The following RFX4 variants were observed in gnomAD, a reference collection of about 807,000 sequenced individuals.
RFX4 encodes transcription factor RFX4.
A neutral mutation model predicts 95.0 loss-of-function variants in RFX4; 10 were observed. The observed-to-expected ratio is 0.11, with a 90% CI of 0.06 to 0.18. The LOEUF is 0.18. RFX4 is among the 10% of genes least tolerant of loss of function. The pLI, the probability that RFX4 is intolerant of heterozygous loss-of-function variation, is 1.00. For missense variants in RFX4, 640 were observed against 922.0 expected (o/e 0.69, Z 3.96); for synonymous variants, 321 against 340.7 (o/e 0.94, Z 0.64).
chr12:106,718,175 C>T (rs12816205), intron 11 of RFX4, among the ~76,000 whole-genome samples: 22,525 of 152,230 alleles, frequency 0.15, 1,863 homozygotes, highest in East Asian at 0.27. Flanking sequence ...GACCTTGGTT[C>T]AAACCTTGCT....
chr12:106,693,858 C>T (rs2041830241), intron 7 of RFX4, among the ~76,000 whole-genome samples: 1 of 152,178 alleles, frequency 6.6e-6, no homozygotes, highest in African/African-American at 2.4e-5. Context: ...GTAGTGCCTC[C>T]ATGATATAAT....
At chr12:106,643,281 C>G (rs944627987) in intron 3 of RFX4, among the ~76,000 whole-genome samples, 1 of 152,158 alleles carries the variant, frequency 6.6e-6, no homozygotes, top group South Asian at 2.1e-4. Context: ...CACTCCTTCC[C>G]GGGATGGGAG....
At chr12:106,632,437 G>T (rs2040433879) in intron 2 of RFX4, among the ~76,000 whole-genome samples, 1 of 152,170 alleles carries the variant, frequency 6.6e-6, no homozygotes, top group Non-Finnish European at 1.5e-5. Context: ...ATGTCTCCCA[G>T]TGAAAACGAA....
chr12:106,741,271 G>T (rs1194850072), intron 15 of RFX4, among the ~76,000 whole-genome samples: 2 of 151,954 alleles, frequency 1.3e-5, no homozygotes, highest in African/African-American at 2.4e-5. Flanking sequence ...GACAGAGTGA[G>T]ACTCTGTCTC....
chr12:106,754,336 C>T (rs917304948), intron 17 of RFX4, among the ~76,000 whole-genome samples: 32 of 152,332 alleles, frequency 2.1e-4, no homozygotes, highest in African/African-American at 7.2e-4. Flanking sequence ...CAGCCTAGAT[C>T]ACTCCGCACA....
chr12:106,674,438 C>CCTG, intron 4 of RFX4, among the ~76,000 whole-genome samples: 1 of 151,770 alleles, frequency 6.6e-6, no homozygotes, highest in East Asian at 2.0e-4. Context: ...TCAAGCAATT[C>CCTG]TCCTGCCTCA....
rs186107040 is a variant in RFX4 at position 106,744,794 on chromosome 12, C to T, written c.1634-2643C>T. ...ACCACCCACTCACTCTGGGACCTTG[C>T]GCAAGTTATTTAACATTCTAAGTTT... On this transcript the variant is annotated intron_variant, in intron 15 of 17. Coordinates refer to ENST00000392842, the MANE Select transcript of RFX4 (RefSeq NM_213594.3). 5.6e-4 allele frequency among the ~76,000 whole-genome samples: 85 copies of T among 152,220 alleles called. 1 individual carries two copies. Among genetic ancestry groups the T allele is most frequent in the African/African-American group, 1.9e-3 (80 of 41,538 alleles).
At chr12:106,645,200 A>C (rs1254128189) in intron 3 of RFX4, among the ~76,000 whole-genome samples, 1 of 152,250 alleles carries the variant, frequency 6.6e-6, no homozygotes, top group Non-Finnish European at 1.5e-5. Flanking sequence ...ATCCTCGGTC[A>C]CGAGGGTTAG....
chr12:106,716,578 C>T lies in RFX4; in HGVS notation c.1138+1034C>T, dbSNP rs566436424. ...CCTTTTCAAAAGCAAATGTAACAGC[C>T]GAAATGTTTGAACATGTGGACCTTC... On this transcript the variant is annotated intron_variant, in intron 11 of 17. Transcript: ENST00000392842. Among the ~76,000 whole-genome samples the T allele has an allele frequency of 9.2e-5, 14 of 152,182 alleles. 1 individual carries two copies. The East Asian group carries it at 2.3e-3, about 25-fold the overall frequency.
At chr12:106,694,497 G>A (rs2041842300) in intron 7 of RFX4, among the ~76,000 whole-genome samples, 1 of 152,204 alleles carries the variant, frequency 6.6e-6, no homozygotes, top group Non-Finnish European at 1.5e-5. Flanking sequence ...CAGCAGTCTA[G>A]GGAGAGACAT....
chr12:106,704,843 G>A lies in RFX4; in HGVS notation c.834-4487G>A, dbSNP rs111818833. Among the ~76,000 whole-genome samples, 822 of 151,826 alleles carry A rather than the reference G, an allele frequency of 5.4e-3. 9 individuals carry two copies. The highest frequency in any genetic ancestry group is 0.018 in the African/African-American group (750 of 41,252). ...TGTGTGTGTGCATGTGTGTGTGTGC[G>A]CGTGTGTGTGTCGTATGGGCAGGGA... On this transcript the variant is annotated intron_variant, in intron 8 of 17. Transcript: ENST00000392842.
intron 5 of RFX4, chr12:106,684,663 A>C: frequency 6.9e-7 from 1 of 1,442,476 alleles, no homozygotes; most frequent in Non-Finnish European, 9.1e-7. Context: ...ATCCCACCTG[A>C]AGCCACCGGA....
Position 106,614,287 on chromosome 12 carries a change from A to G in RFX4, c.130+5404A>G, listed in dbSNP as rs2040022325. Among the ~76,000 whole-genome samples, 5 of 151,996 alleles carry G rather than the reference A, an allele frequency of 3.3e-5. No individual in the cohort carries two copies. In the South Asian group the frequency reaches 1.0e-3, roughly 32 times the overall value. On this transcript the variant is annotated intron_variant, in intron 2 of 17. Coordinates refer to ENST00000392842, the MANE Select transcript of RFX4 (RefSeq NM_213594.3). ...GTGATTCTTCTGCCTCAGCCTCCCA[A>G]GTAGCTGGGACTACAGGCACATGCC...
At chr12:106,659,047 C>G (rs2041019477) in intron 4 of RFX4, among the ~76,000 whole-genome samples, 1 of 152,214 alleles carries the variant, frequency 6.6e-6, no homozygotes, top group Non-Finnish European at 1.5e-5. Context: ...TGGCCCACTT[C>G]CTTCCCTGAC....
rs2043214180 is a variant in RFX4 at position 106,761,992 on chromosome 12, C to T, written c.*523C>T. On this transcript the variant is annotated 3_prime_UTR_variant, in exon 18 of 18. Coordinates refer to ENST00000392842, the MANE Select transcript of RFX4 (RefSeq NM_213594.3). The stretch of plus-strand genomic sequence containing the variant: ...TGCACATCCCTTCTTCCTGGTGGTA[C>T]CATCCCTATTTCCTGGAGCACCAGG... 1 of 152,692 alleles carries T rather than the reference C, an allele frequency of 6.5e-6. No homozygotes were observed. Among genetic ancestry groups the T allele is most frequent in the Admixed American group, 6.5e-5 (1 of 15,278 alleles). 9.5% of individuals were successfully genotyped at this position (152,692 alleles called of 1,614,324 possible). A position where few individuals can be genotyped will look rare whatever the true frequency, so the allele number is the denominator to read the frequency against.
intron 1 of RFX4, among the ~76,000 whole-genome samples, chr12:106,602,295 T>A (rs1417172514): frequency 6.6e-6 from 1 of 152,212 alleles, no homozygotes; most frequent in Non-Finnish European, 1.5e-5. Context: ...TCTGTCCCTG[T>A]CACTCAGCCG....
intron 4 of RFX4, among the ~76,000 whole-genome samples, chr12:106,654,857 T>C (rs1024420001): frequency 2.0e-5 from 3 of 152,184 alleles, no homozygotes; most frequent in Non-Finnish European, 2.9e-5. Flanking sequence ...CAAAAAATTG[T>C]TAGCAGTGAT....
intron 7 of RFX4, chr12:106,693,166 G>A (rs1188501819): frequency 2.6e-6 from 1 of 390,640 alleles, no homozygotes; most frequent in South Asian, 2.0e-5. Flanking sequence ...CTTGAGCTAA[G>A]GCCATTCTCC....
chr12:106,757,420 T>TA (rs2043128400), intron 17 of RFX4, among the ~76,000 whole-genome samples: 1 of 151,954 alleles, frequency 6.6e-6, no homozygotes, highest in African/African-American at 2.4e-5. Flanking sequence ...TGGTGGCACA[T>TA]ACCTGTAGTC....
Sources: allele counts gnomAD v4.1 joint callset (sites outside exome capture counted in the v4.1 genomes callset), GRCh38; gene constraint gnomAD v4.1.1; transcripts MANE v1.5; gene names NCBI Gene and HGNC (gene_info 2026-07-23, HGNC 2026-07-21).